Variants in ABCB1 observed in about 807,000 individuals in gnomAD.
The protein encoded by ABCB1 is ATP binding cassette subfamily B member 1, also known as ATP-dependent translocase ABCB1.
In ABCB1, 69 loss-of-function variants were observed where a neutral mutation model predicts 142.0. That is an observed-to-expected ratio of 0.49 (90% CI 0.40 to 0.59). The LOEUF is 0.59. Among genes scored for constraint, ABCB1 ranks in the 20% least tolerant of loss-of-function variants. ABCB1 has a pLI of 0.00. For missense variants in ABCB1, 1,326 were observed against 1,554.7 expected, an observed-to-expected ratio of 0.85 and a Z score of 2.47; for synonymous variants, 532 against 539.2, an observed-to-expected ratio of 0.99 and a Z score of 0.18.
At chr7:87,547,167 C>G (rs1816819266) in intron 14 of ABCB1, among the ~76,000 whole-genome samples, 1 of 152,020 alleles carries the variant, frequency 6.6e-6, no homozygotes, top group Non-Finnish European at 1.5e-5. Context: ...ATACAATTCT[C>G]AAAACCAACA....
chr7:87,662,604 T>C (rs1824824319), intron 1 of ABCB1, among the ~76,000 whole-genome samples: 1 of 152,172 alleles, frequency 6.6e-6, no homozygotes, highest in Non-Finnish European at 1.5e-5. Flanking sequence ...TCTGTTCCAT[T>C]GGTCTATGTA....
chr7:87,544,191 A>G lies in ABCB1; in HGVS notation c.2149T>C (p.Cys717Arg). Residue 717 changes from cysteine to arginine, a missense_variant, in exon 17 of 28, where the codon TGT becomes CGT. Physicochemically the swap from Cys to Arg is radical, Grantham distance 180. Transcript: ENST00000622132. ...TGCAGGCCTCCATTTATAATGGCAC[A>G]AAATACACCAACAACAAAATAAGGC... is the stretch of plus-strand genomic sequence containing the variant. ...EWPYFVVGVFCAIINGGLQPA... is the reference protein window; with the variant it reads ...EWPYFVVGVFRAIINGGLQPA... 1 of 1,613,994 alleles carries G rather than the reference A, an allele frequency of 6.2e-7. No homozygotes were observed. The highest frequency in any genetic ancestry group is 8.5e-7 in the Non-Finnish European group (1 of 1,179,938).
intron 1 of ABCB1, among the ~76,000 whole-genome samples, chr7:87,626,513 T>TATGTGTC: frequency 6.1e-5 from 1 of 16,338 alleles, no homozygotes; most frequent in African/African-American, 7.1e-4. Context: ...ATGTGTCATA[T>TATGTGTC]ATATGTGTCA....
intron 1 of ABCB1, among the ~76,000 whole-genome samples, chr7:87,620,476 A>G (rs964853367): frequency 6.6e-6 from 1 of 152,122 alleles, no homozygotes; most frequent in African/African-American, 2.4e-5. Context: ...TCTTTGCCAA[A>G]ATATCTTCAA....
chr7:87,611,070 G>A (rs961524253), intron 1 of ABCB1, among the ~76,000 whole-genome samples: 4 of 152,026 alleles, frequency 2.6e-5, no homozygotes, highest in East Asian at 1.9e-4. Context: ...AACTCCCTTC[G>A]TAACAGCCAA....
intron 26 of ABCB1, among the ~76,000 whole-genome samples, chr7:87,507,376 C>G (rs1367540777): frequency 2.6e-5 from 4 of 152,222 alleles, no homozygotes; most frequent in Non-Finnish European, 5.9e-5. Flanking sequence ...AACAGTATTA[C>G]CTGGGCTCTT....
chr7:87,585,422 G>A, intron 4 of ABCB1, 90 bp downstream of exon 4: 4 of 1,302,122 alleles, frequency 3.1e-6, no homozygotes, highest in Admixed American at 3.7e-5. Context: ...ACACACTAAT[G>A]TGTATTTAGT....
chr7:87,522,791 T>C (rs1376023676), intron 21 of ABCB1, among the ~76,000 whole-genome samples: 3 of 152,254 alleles, frequency 2.0e-5, no homozygotes, highest in Middle Eastern at 3.4e-3. Context: ...TTCCATATTG[T>C]TTTTTTCCTA....
At chr7:87,708,364 T>A (rs948029361) in intron 1 of ABCB1, among the ~76,000 whole-genome samples, 1 of 152,084 alleles carries the variant, frequency 6.6e-6, no homozygotes, top group African/African-American at 2.4e-5. Context: ...TATGAATAAC[T>A]TCACATCTAT....
At chr7:87,559,650 C>T (rs933839376) in intron 8 of ABCB1, among the ~76,000 whole-genome samples, 6 of 151,630 alleles carry the variant, frequency 4.0e-5, no homozygotes, top group Non-Finnish European at 8.8e-5. Context: ...TTTTGTATTT[C>T]TTCTACCAGA....
At chr7:87,613,779 C>T (rs1179547827) in intron 1 of ABCB1, among the ~76,000 whole-genome samples, 1 of 152,158 alleles carries the variant, frequency 6.6e-6, no homozygotes, top group Admixed American at 6.5e-5. Context: ...CTTTCATAAC[C>T]TTAACCTCAG....
chr7:87,513,045 C>T, intron 25 of ABCB1, among the ~76,000 whole-genome samples: 1 of 152,180 alleles, frequency 6.6e-6, no homozygotes, highest in South Asian at 2.1e-4. Context: ...GAGGTAGACA[C>T]CAGCTCTCCT....
intron 1 of ABCB1, among the ~76,000 whole-genome samples, chr7:87,619,731 C>T (rs998377214): frequency 2.0e-5 from 3 of 149,886 alleles, no homozygotes; most frequent in South Asian, 2.1e-4. Flanking sequence ...TTTATATATA[C>T]ACACACACAA....
chr7:87,676,378 A>AAAC (rs145424538), intron 1 of ABCB1, among the ~76,000 whole-genome samples: 23 of 152,104 alleles, frequency 1.5e-4, no homozygotes, highest in South Asian at 1.0e-3. Flanking sequence ...ACTCAGTAGA[A>AAAC]AACAACAACA....
At chr7:87,628,894 T>G in intron 1 of ABCB1, 1 of 1,303,848 alleles carries the variant, frequency 7.7e-7, no homozygotes, top group Non-Finnish European at 9.8e-7. Flanking sequence ...AAGAAAAGCC[T>G]GAGCGCCCGC....
intron 1 of ABCB1, among the ~76,000 whole-genome samples, chr7:87,640,127 A>T (rs955399020): frequency 6.7e-6 from 1 of 149,958 alleles, no homozygotes; most frequent in African/African-American, 2.4e-5. Flanking sequence ...AACTTTTACT[A>T]CTTCTCCAAT....
At chr7:87,579,951 C>T (rs1469158755) in intron 4 of ABCB1, among the ~76,000 whole-genome samples, 8 of 152,182 alleles carry the variant, frequency 5.3e-5, no homozygotes, top group Non-Finnish European at 2.9e-5. Flanking sequence ...TACACTTTAA[C>T]TTCAGCTCCC....
chr7:87,595,638 A>C, intron 3 of ABCB1, 128 bp downstream of exon 3: 1 of 741,310 alleles, frequency 1.3e-6, no homozygotes, highest in Non-Finnish European at 2.3e-6. Flanking sequence ...AAATCAAACC[A>C]ATTTATTTTG....
rs576674567 is a variant in ABCB1, at chr7:87,655,790, C to A, written c.-330-54712G>T. On this transcript the variant is annotated intron_variant, in intron 1 of 28. Coordinates refer to the ABCB1 transcript ENST00000265724. The stretch of plus-strand genomic sequence containing the variant: ...CAAATTCATATGCTGGAAACTTAAC[C>A]CCCTGTCCAACAGTGCTGGGAAGTG... Among the ~76,000 whole-genome samples, 24 of 152,128 alleles carry A rather than the reference C, an allele frequency of 1.6e-4. No individual in the cohort carries two copies. The South Asian group carries it at 4.8e-3, about 30-fold the overall frequency.
Sources: allele counts gnomAD v4.1 joint callset (sites outside exome capture counted in the v4.1 genomes callset), GRCh38; gene constraint gnomAD v4.1.1; transcripts MANE v1.5; gene names NCBI Gene and HGNC (gene_info 2026-07-23, HGNC 2026-07-21).